The following TOPAZ1 variants were observed in gnomAD, a reference collection of about 807,000 sequenced individuals.
TOPAZ1 encodes the protein protein TOPAZ1.
TOPAZ1 carries 66 observed loss-of-function variants against 172.2 expected under a neutral mutation model. The observed-to-expected ratio is 0.38, with a 90% CI of 0.31 to 0.47. The LOEUF is 0.47. Ranked by LOEUF, TOPAZ1 falls within the 20% of genes least tolerant of loss-of-function variation. The pLI is 0.99. For synonymous variants in TOPAZ1, 681 were observed against 683.9 expected (o/e 1.00, Z 0.07); for missense variants, 1,822 against 1,972.4 (o/e 0.92, Z 1.44).
intron 4 of TOPAZ1, among the ~76,000 whole-genome samples, chr3:44,258,799 G>A (rs772794041): frequency 3.3e-5 from 5 of 152,114 alleles, no homozygotes; most frequent in African/African-American, 9.7e-5. Context: ...AGGTTTTTGT[G>A]TATCTATGTG....
chr3:44,319,565 G>A (rs1003958405), intron 16 of TOPAZ1, among the ~76,000 whole-genome samples: 22 of 152,156 alleles, frequency 1.4e-4, no homozygotes, highest in Admixed American at 3.3e-4. Context: ...TACTTTTAAT[G>A]GGAATTATGT....
intron 9 of TOPAZ1, among the ~76,000 whole-genome samples, chr3:44,287,105 C>T (rs939981555): frequency 6.6e-6 from 1 of 152,154 alleles, no homozygotes; most frequent in Admixed American, 6.6e-5. Context: ...TGTAGGAGCT[C>T]ATATTGACGC....
intron 15 of TOPAZ1, among the ~76,000 whole-genome samples, chr3:44,308,662 TTAGAG>T (rs939606057): frequency 6.6e-6 from 1 of 151,914 alleles, no homozygotes; most frequent in Non-Finnish European, 1.5e-5. Flanking sequence ...TGCTGAAATT[TTAGAG>T]TATATTTTAA....
In TOPAZ1 at chr3:44,244,973, T is replaced by G. The variant is rs1367202000; in HGVS notation, c.2467T>G (p.Cys823Gly). 6.4e-7 allele frequency: 1 copy of G among 1,551,742 alleles called. No individual in the cohort carries two copies. Among genetic ancestry groups the G allele is most frequent in the Non-Finnish European group, 8.7e-7 (1 of 1,147,000 alleles). Residue 823 changes from cysteine to glycine, a missense_variant, in exon 2 of 20, where the codon TGT (cysteine) becomes GGT (glycine). Around this residue, in one of 2 missense-constraint regions of TOPAZ1, gnomAD observed 1,489 missense variants for 1,490.8 expected, o/e 1.00. Coordinates refer to ENST00000309765, the MANE Select transcript of TOPAZ1 (RefSeq NM_001145030.2). ...TGTAGAGAAAAGTCCTTCCTTCTGCTGTAATGAACAAGAAACATTCCGACC... is the reference window on the plus strand; with the variant it reads ...TGTAGAGAAAAGTCCTTCCTTCTGCGGTAATGAACAAGAAACATTCCGACC... Reference protein sequence around the residue: ...GYVEKSPSFCCNEQETFRPVS... With the variant: ...GYVEKSPSFCGNEQETFRPVS...
chr3:44,312,020 T>C (rs1340689075), intron 16 of TOPAZ1, among the ~76,000 whole-genome samples: 4 of 152,174 alleles, frequency 2.6e-5, no homozygotes, highest in Non-Finnish European at 5.9e-5. Flanking sequence ...GAATTTGTAC[T>C]GCACACACAT....
At chr3:44,266,935 A>C (rs1575712472) in intron 5 of TOPAZ1, 62 bp from the exon 6 acceptor site, 1 of 1,235,674 alleles carries the variant, frequency 8.1e-7, no homozygotes, top group Non-Finnish European at 1.1e-6. Context: ...ATATCTGCAA[A>C]GCATTACTTT....
At chr3:44,332,886 C>A (rs1429038754), downstream of TOPAZ1, among the ~76,000 whole-genome samples, 3 of 151,614 alleles carry the variant, frequency 2.0e-5, no homozygotes, top group African/African-American at 4.8e-5. Context: ...GCAGCCTCAA[C>A]CTCCCAGGCT....
intron 13 of TOPAZ1, 48 bp downstream of exon 13, chr3:44,304,129 A>C: frequency 8.8e-7 from 1 of 1,133,958 alleles, no homozygotes; most frequent in Non-Finnish European, 1.2e-6. Flanking sequence ...TCTGAAAATC[A>C]ATAGCAACAA....
At chr3:44,298,935 C>T (rs141242731) in intron 12 of TOPAZ1, among the ~76,000 whole-genome samples, 1 of 17,868 alleles carries the variant, frequency 5.6e-5, no homozygotes, top group African/African-American at 2.0e-4. Flanking sequence ...TTTTTTTTTT[C>T]CCCCTGAGAT....
intron 12 of TOPAZ1, among the ~76,000 whole-genome samples, chr3:44,295,956 G>A (rs1700189361): frequency 6.6e-6 from 1 of 152,070 alleles, no homozygotes; most frequent in Admixed American, 6.6e-5. Flanking sequence ...ATTCACCAAG[G>A]TAGACCATAT....
At chr3:44,317,149 G>A (rs891440885) in intron 16 of TOPAZ1, among the ~76,000 whole-genome samples, 9 of 152,194 alleles carry the variant, frequency 5.9e-5, no homozygotes, top group African/African-American at 2.2e-4. Flanking sequence ...GGCTGGGCTT[G>A]GTGGCTCACG....
intron 8 of TOPAZ1, among the ~76,000 whole-genome samples, chr3:44,272,666 T>G (rs1264270719): frequency 1.3e-5 from 2 of 152,268 alleles, no homozygotes; most frequent in Non-Finnish European, 2.9e-5. Flanking sequence ...GTTCAAGCGA[T>G]TCTTCTGCCT....
At chr3:44,268,519 A>G (rs1218423251) in intron 6 of TOPAZ1, among the ~76,000 whole-genome samples, 1 of 151,452 alleles carries the variant, frequency 6.6e-6, no homozygotes, top group Admixed American at 6.6e-5. Flanking sequence ...GATTACAGGC[A>G]CGCACCACCA....
chr3:44,304,522 C>T (rs1559543924), intron 13 of TOPAZ1, among the ~76,000 whole-genome samples: 1 of 152,148 alleles, frequency 6.6e-6, no homozygotes, highest in East Asian at 1.9e-4. Flanking sequence ...ATGATTTTTA[C>T]TTTTAAATTT....
chr3:44,259,195 A>G (rs1010447271), intron 4 of TOPAZ1, among the ~76,000 whole-genome samples: 3 of 152,166 alleles, frequency 2.0e-5, no homozygotes, highest in Non-Finnish European at 4.4e-5. Context: ...CAGCCATAAA[A>G]GCAAGACATT....
rs1030521267 is a variant in TOPAZ1 at position 44,263,108 on chromosome 3, G to A, written c.3020+625G>A. 4.6e-5 allele frequency among the ~76,000 whole-genome samples: 7 copies of A among 152,216 alleles called. No individual in the cohort carries two copies. In the South Asian group the frequency reaches 1.5e-3, roughly 32 times the overall value. On this transcript the variant is annotated intron_variant, in intron 5 of 19. Coordinates refer to ENST00000309765, the MANE Select transcript of TOPAZ1 (RefSeq NM_001145030.2). ...ATCTCTGAATCAAACTTTGGGGATGGGCCTATCAATCTGTTTTTAACAAGA... is the reference window on the plus strand; with the variant it reads ...ATCTCTGAATCAAACTTTGGGGATGAGCCTATCAATCTGTTTTTAACAAGA...
At position 44,244,737 on chromosome 3, in the gene TOPAZ1, C is replaced by T; in HGVS notation, c.2231C>T (p.Thr744Ile). The change falls in exon 2 of 20, where the codon ACT becomes ATT. Residue 744 changes from threonine to isoleucine, a missense_variant. Around this residue, in one of 2 missense-constraint regions of TOPAZ1, gnomAD observed 1,489 missense variants for 1,490.8 expected, o/e 1.00. Transcript: ENST00000309765. Reference sequence around the variant, plus strand: ...TCCATGATGATGTTAGGACCTCAAACTTTGAGCATACGAAATAGTGTAACT... The same window carrying T: ...TCCATGATGATGTTAGGACCTCAAATTTTGAGCATACGAAATAGTGTAACT... ...NVSMMMLGPQTLSIRNSVTPV... is the reference protein window; with the variant it reads ...NVSMMMLGPQILSIRNSVTPV... 2 of 1,551,502 alleles carry T rather than the reference C, an allele frequency of 1.3e-6. No homozygotes were observed. The highest frequency in any genetic ancestry group is 1.7e-6 in the Non-Finnish European group (2 of 1,146,948).
rs2125685018 is a variant in TOPAZ1 at position 44,267,019 on chromosome 3, T to A, written c.3043T>A (p.Phe1015Ile). The change falls in exon 6 of 20, where the codon TTT (phenylalanine) becomes ATT (isoleucine). Residue 1015 changes from phenylalanine (F) to isoleucine (I), a missense_variant. Physicochemically the swap from Phe to Ile is conservative, Grantham distance 21. Around this residue, in one of 2 missense-constraint regions of TOPAZ1, gnomAD observed 1,489 missense variants for 1,490.8 expected, o/e 1.00. Transcript: ENST00000309765. ...CKSKDSRNAD[F>I]MVGECQFAVP... ...CAGCAAAGATTCTAGAAATGCAGACTTTATGGTCGGCGAATGTCAATTTGC... is the reference window on the plus strand; with the variant it reads ...CAGCAAAGATTCTAGAAATGCAGACATTATGGTCGGCGAATGTCAATTTGC... 4 of 1,545,460 alleles carry A rather than the reference T, an allele frequency of 2.6e-6. No individual in the cohort carries two copies. The highest frequency in any genetic ancestry group is 3.5e-6 in the Non-Finnish European group (4 of 1,144,914).
chr3:44,318,981 G>A (rs1447241174), intron 16 of TOPAZ1, among the ~76,000 whole-genome samples: 1 of 151,868 alleles, frequency 6.6e-6, no homozygotes, highest in Non-Finnish European at 1.5e-5. Flanking sequence ...AAACCTTTGG[G>A]GAGCAGTTCC....
Sources: allele counts gnomAD v4.1 joint callset (sites outside exome capture counted in the v4.1 genomes callset), GRCh38; gene constraint gnomAD v4.1.1; regional missense constraint gnomAD v4.1.1; transcripts MANE v1.5; gene names NCBI Gene and HGNC (gene_info 2026-07-23, HGNC 2026-07-21).